Variants in EVL observed in about 807,000 individuals in gnomAD.
EVL encodes Enah/Vasp-like, also known as ena/VASP-like protein.
A neutral mutation model predicts 59.6 loss-of-function variants in EVL; 21 were observed. The ratio of observed to expected loss-of-function variants is 0.35; its 90% CI spans 0.25 to 0.51. The LOEUF is 0.51. Among genes scored for constraint, EVL ranks in the 20% least tolerant of loss-of-function variants. The pLI is 0.97. For missense variants in EVL, 462 were observed against 546.6 expected (o/e 0.85, Z 1.54); for synonymous variants, 198 against 203.5 (o/e 0.97, Z 0.23).
chr14:100,084,950 A>G, intron 2 of EVL, 95 bp downstream of exon 2: 1 of 1,376,884 alleles, frequency 7.3e-7, no homozygotes, highest in Non-Finnish European at 9.9e-7. Flanking sequence ...AGGTCAGAAC[A>G]AAAAGGTCAA....
chr14:100,032,946 T>A (rs1054034780), intron 1 of EVL, among the ~76,000 whole-genome samples: 4 of 152,074 alleles, frequency 2.6e-5, no homozygotes, highest in African/African-American at 2.4e-5. Flanking sequence ...TTTTTTTTTT[T>A]AACCTCCTGC....
At chr14:100,102,244 A>G (rs1016071802) in intron 3 of EVL, 1 of 455,956 alleles carries the variant, frequency 2.2e-6, no homozygotes, top group Admixed American at 2.4e-5. Context: ...GCAGCGCAGC[A>G]TAGAGGAACA....
intron 3 of EVL, chr14:100,106,620 A>G: frequency 2.6e-6 from 1 of 386,996 alleles, no homozygotes. Flanking sequence ...GAATTTAGGT[A>G]GGTAGGTTAT....
intron 1 of EVL, among the ~76,000 whole-genome samples, chr14:100,033,666 C>T (rs2061346821): frequency 1.3e-5 from 2 of 152,192 alleles, no homozygotes; most frequent in Non-Finnish European, 2.9e-5. Context: ...TCAGTGTAAC[C>T]TGCTAAGTAC....
At chr14:100,112,041 G>A (rs1174792272) in intron 3 of EVL, among the ~76,000 whole-genome samples, 5 of 152,222 alleles carry the variant, frequency 3.3e-5, no homozygotes, top group East Asian at 1.9e-4. Flanking sequence ...CGAAAGTGAG[G>A]GAAGAATTCA....
chr14:100,058,374 T>C (rs1023232065), intron 1 of EVL, among the ~76,000 whole-genome samples: 2 of 152,230 alleles, frequency 1.3e-5, no homozygotes, highest in Non-Finnish European at 2.9e-5. Context: ...GTCTTCCTCA[T>C]TCATTCATTC....
At chr14:100,111,306 G>A (rs1476433599) in intron 3 of EVL, among the ~76,000 whole-genome samples, 3 of 152,020 alleles carry the variant, frequency 2.0e-5, no homozygotes, top group East Asian at 1.9e-4. Context: ...ACAGGCATGC[G>A]CCACCACGCC....
intron 13 of EVL, among the ~76,000 whole-genome samples, chr14:100,143,439 C>T (rs1889321059): frequency 6.6e-6 from 1 of 152,014 alleles, no homozygotes; most frequent in Admixed American, 6.5e-5. Flanking sequence ...AGGCCACAGG[C>T]AGGGCACAGG....
chr14:100,063,360 A>G (rs2061870038), upstream of EVL, among the ~76,000 whole-genome samples: 1 of 152,244 alleles, frequency 6.6e-6, no homozygotes, highest in Admixed American at 6.5e-5. Flanking sequence ...AGTGTCCAGA[A>G]GCTGAGAGAG....
At chr14:100,026,028 A>G (rs1417023585) in intron 1 of EVL, among the ~76,000 whole-genome samples, 1 of 152,066 alleles carries the variant, frequency 6.6e-6, no homozygotes, top group Non-Finnish European at 1.5e-5. Context: ...AGGCGGATAG[A>G]TTGCTTGAGC....
intron 1 of EVL, among the ~76,000 whole-genome samples, chr14:100,013,613 TTTGA>T (rs1461567514): frequency 6.6e-6 from 1 of 152,192 alleles, no homozygotes; most frequent in African/African-American, 2.4e-5. Context: ...TGGAAAGATC[TTTGA>T]TTGGGCCATG....
intron 1 of EVL, among the ~76,000 whole-genome samples, chr14:100,012,995 A>C (rs548640105): frequency 3.3e-5 from 5 of 152,366 alleles, no homozygotes; most frequent in Admixed American, 1.3e-4. Context: ...CTGTATTTGC[A>C]TACCAAGCAT....
Position 100,097,624 on chromosome 14 carries a change from G to A in EVL, c.324G>A (p.Leu108=), listed in dbSNP as rs1355343109. The change falls in exon 3 of 14, where the codon CTG becomes CTA. Residue 108 remains leucine (L), a synonymous_variant. Coordinates refer to ENST00000392920, the MANE Select transcript of EVL (RefSeq NM_016337.3). ...CAACCACGTTCTCCAATGCAATGCT[G>A]TTTGCCCTGAACATCATGAATTCCC... ...EEATTFSNAM[L]FALNIMNSQE... The A allele has an allele frequency of 2.5e-6, 4 of 1,613,652 alleles. No homozygotes were observed. In the South Asian group the frequency reaches 3.3e-5, roughly 13 times the overall value.
intron 1 of EVL, among the ~76,000 whole-genome samples, chr14:99,997,605 G>T (rs1685753823): frequency 6.6e-6 from 1 of 152,232 alleles, no homozygotes; most frequent in Admixed American, 6.5e-5. Flanking sequence ...GTGTTTTGAG[G>T]AATGGGTGAA....
chr14:100,136,649 C>T (rs1021265355), intron 9 of EVL, among the ~76,000 whole-genome samples: 1 of 152,152 alleles, frequency 6.6e-6, no homozygotes, highest in African/African-American at 2.4e-5. Flanking sequence ...CAGCTGTTCG[C>T]GTGTGTCTCT....
At chr14:100,081,104 A>G (rs1468279166) in intron 1 of EVL, among the ~76,000 whole-genome samples, 1 of 152,148 alleles carries the variant, frequency 6.6e-6, no homozygotes, top group Non-Finnish European at 1.5e-5. Flanking sequence ...ACATAGCGAA[A>G]CCCTGTCTCT....
chr14:100,011,110 A>G (rs1022347266), intron 1 of EVL, among the ~76,000 whole-genome samples: 1 of 152,194 alleles, frequency 6.6e-6, no homozygotes, highest in African/African-American at 2.4e-5. Context: ...ATAGGAGAGA[A>G]TTTTTTATTA....
intron 1 of EVL, among the ~76,000 whole-genome samples, chr14:100,001,056 G>C (rs533439729): frequency 6.6e-6 from 1 of 152,088 alleles, no homozygotes; most frequent in Non-Finnish European, 1.5e-5. Flanking sequence ...GGGAGGAAGG[G>C]AGAAAAACAA....
intron 1 of EVL, among the ~76,000 whole-genome samples, chr14:100,002,675 A>G (rs1390341197): frequency 6.6e-6 from 1 of 152,254 alleles, no homozygotes; most frequent in Non-Finnish European, 1.5e-5. Flanking sequence ...TCAGAAAAAG[A>G]CATAATTTAT....
Sources: gnomAD v4.1 joint callset for allele counts (sites outside exome capture counted in the v4.1 genomes callset) on GRCh38, gnomAD v4.1.1 for gene constraint, MANE v1.5 for transcripts, NCBI Gene and HGNC (gene_info 2026-07-23, HGNC 2026-07-21) for gene names.